OGT: variants seen among roughly 807,000 people sequenced by gnomAD.
The protein encoded by OGT is UDP-N-acetylglucosamine--peptide N-acetylglucosaminyltransferase 110 kDa subunit.
Under a neutral mutation model 75.8 loss-of-function variants are expected in OGT, and 3 were observed. The ratio of observed to expected loss-of-function variants is 0.04; its 90% CI spans 0.02 to 0.10. The LOEUF (loss-of-function observed/expected upper bound fraction) is 0.10. OGT is among the 10% of genes least tolerant of loss of function. The pLI, the probability that OGT is intolerant of heterozygous loss-of-function variation, is 1.00. For synonymous variants in OGT, 257 were observed against 289.7 expected (o/e 0.89, Z 1.15); for missense variants, 260 against 824.4 (o/e 0.32, Z 8.38).
intron 5 of OGT, among the ~76,000 whole-genome samples, chrX:71,553,954 G>A (rs1032317268): frequency 4.5e-5 from 5 of 111,786 alleles, no homozygotes; most frequent in African/African-American, 1.6e-4. Context: ...TTTCTAGGAG[G>A]TAAATTCTTA....
In OGT at chrX:71,575,027, G is replaced by C. The variant is rs1010417983; in HGVS notation, c.*1233G>C. The C allele has an allele frequency of 9.0e-6, 1 of 111,575 alleles. No homozygotes were observed. Among genetic ancestry groups the C allele is most frequent in the Non-Finnish European group, 1.9e-5 (1 of 53,138 alleles). The allele number at this position is 111,575 out of a possible 1,213,427, so 9.2% of individuals were successfully genotyped here. The stretch of plus-strand genomic sequence containing the variant: ...CTCAGTAGTAGCGAACTGCACTGCT[G>C]TTTGGTTTGGAGTACAAATTAGACT... On this transcript the variant is annotated 3_prime_UTR_variant, in exon 22 of 22. Transcript: ENST00000373719.
chrX:71,533,736 A>C (rs2040152148), intron 1 of OGT, among the ~76,000 whole-genome samples: 2 of 104,007 alleles, frequency 1.9e-5, no homozygotes, highest in African/African-American at 3.6e-5. Flanking sequence ...TTTCCCCTCC[A>C]TCTCCTCCTT....
chrX:71,539,543 T>C (rs1402112237), intron 3 of OGT, among the ~76,000 whole-genome samples: 2 of 111,837 alleles, frequency 1.8e-5, no homozygotes, highest in Non-Finnish European at 3.8e-5. Context: ...GTTAGCACTC[T>C]TGGAGGTAGC....
Position 71,557,652 on chromosome X carries a change from G to A in OGT, c.1582G>A (p.Gly528Ser). ...GFRKAIAERH[G>S]NLCLDKINVL... is the part of the protein sequence containing the mutation. Reference sequence around the variant, plus strand: ...CAGGAAGGCTATTGCTGAGAGGCACGGCAACCTGTGCTTAGATAAGGTGTG... The same window carrying A: ...CAGGAAGGCTATTGCTGAGAGGCACAGCAACCTGTGCTTAGATAAGGTGTG... The change falls in exon 12 of 22, where the codon GGC (glycine) becomes AGC (serine). Residue 528 changes from glycine to serine, a missense_variant. By Grantham distance (56) the Gly-to-Ser change is moderately conservative. Transcript: ENST00000373719. 8.3e-7 allele frequency: 1 copy of A among 1,199,719 alleles called. No individual in the cohort carries two copies. Among genetic ancestry groups the A allele is most frequent in the Non-Finnish European group, 1.1e-6 (1 of 889,652 alleles).
intron 2 of OGT, 181 bp downstream of exon 2, chrX:71,536,539 T>G: frequency 2.8e-6 from 1 of 360,754 alleles, no homozygotes; most frequent in Non-Finnish European, 4.7e-6. Context: ...TCCTTCCTTT[T>G]GTGGTGGTGG....
intron 21 of OGT, among the ~76,000 whole-genome samples, chrX:71,569,068 G>T (rs1373413872): frequency 4.5e-5 from 5 of 111,611 alleles, no homozygotes. Flanking sequence ...GGTGGCTCAC[G>T]CCTGTAATCC....
At chrX:71,566,084 C>G (rs757581970) in intron 19 of OGT, among the ~76,000 whole-genome samples, 1 of 112,067 alleles carries the variant, frequency 8.9e-6, no homozygotes, top group Non-Finnish European at 1.9e-5. Context: ...TTTAGGTAAT[C>G]TGGAGATAAT....
At chrX:71,571,153 C>G (rs762783076) in intron 21 of OGT, among the ~76,000 whole-genome samples, 19 of 110,679 alleles carry the variant, frequency 1.7e-4, no homozygotes, top group Non-Finnish European at 2.8e-4. Context: ...TAGTTTGGTT[C>G]ATACAATGCT....
chrX:71,562,074 T>C (rs1179166533), intron 15 of OGT, among the ~76,000 whole-genome samples, 174 bp downstream of exon 15: 1 of 112,100 alleles, frequency 8.9e-6, no homozygotes, highest in Non-Finnish European at 1.9e-5. Flanking sequence ...ACAGTGCTTA[T>C]AGGTACATGT....
At chrX:71,542,592 G>C (rs1383029730) in intron 3 of OGT, among the ~76,000 whole-genome samples, 1 of 111,802 alleles carries the variant, frequency 8.9e-6, no homozygotes, top group Non-Finnish European at 1.9e-5. Context: ...GCAACAGCTG[G>C]CTACTATGTA....
intron 5 of OGT, 71 bp downstream of exon 5, chrX:71,548,094 A>T: frequency 2.0e-6 from 2 of 1,020,210 alleles, no homozygotes; most frequent in Non-Finnish European, 2.7e-6. Context: ...AGAACTAAAT[A>T]ATAGGTCTTA....
At chrX:71,552,068 A>AG (rs1386046980) in intron 5 of OGT, among the ~76,000 whole-genome samples, 1 of 108,607 alleles carries the variant, frequency 9.2e-6, no homozygotes, top group Non-Finnish European at 1.9e-5. Context: ...GAAAAAAAAA[A>AG]CAGCTGGGTG....
At chrX:71,567,840 C>T (rs2040426267) in intron 20 of OGT, 88 bp downstream of exon 20, 1 of 1,080,568 alleles carries the variant, frequency 9.3e-7, no homozygotes, top group Admixed American at 2.8e-5. Context: ...ATTATATGTA[C>T]TAGGAGCAAC....
chrX:71,565,039 A>G (rs1432811826), intron 19 of OGT, among the ~76,000 whole-genome samples: 2 of 111,322 alleles, frequency 1.8e-5, no homozygotes, highest in African/African-American at 6.5e-5. Context: ...GGCACCTGTA[A>G]TCCCAGCTAC....
At chrX:71,546,180 C>G in intron 4 of OGT, 1 of 754,111 alleles carries the variant, frequency 1.3e-6, no homozygotes, top group Non-Finnish European at 1.6e-6. Flanking sequence ...CTGATTAACC[C>G]TCTCCCTTCT....
At chrX:71,547,808 T>TGC in intron 4 of OGT, 99 bp from the exon 5 acceptor site, 1 of 1,068,168 alleles carries the variant, frequency 9.4e-7, no homozygotes, top group Non-Finnish European at 1.2e-6. Context: ...ATCACCTTCT[T>TGC]CCCCCCCTCC....
At chrX:71,566,725 C>G (rs1306149197) in intron 19 of OGT, among the ~76,000 whole-genome samples, 1 of 111,933 alleles carries the variant, frequency 8.9e-6, no homozygotes, top group Non-Finnish European at 1.9e-5. Flanking sequence ...TATGACTGTT[C>G]CTGCATCTCA....
At chrX:71,552,904 T>C (rs2040316552) in intron 5 of OGT, among the ~76,000 whole-genome samples, 1 of 111,117 alleles carries the variant, frequency 9.0e-6, no homozygotes, top group Non-Finnish European at 1.9e-5. Context: ...AAACATGATA[T>C]ATGAATTGTT....
chrX:71,556,663 AT>A lies in OGT; in HGVS notation c.1066-16del. 1 of 1,100,091 alleles carries A rather than the reference AT, an allele frequency of 9.1e-7. No homozygotes were observed. The highest frequency in any genetic ancestry group is 1.2e-6 in the Non-Finnish European group (1 of 817,337). The allele number at this position is 1,100,091 out of a possible 1,213,427, so 90.7% of individuals were successfully genotyped here. ...AGCAATTTTTTTAACCTCAGTTCTG[AT>A]CTTGACTCTTTATAGGTCTTCCCAG... On this transcript the variant is annotated splice_polypyrimidine_tract_variant and intron_variant, in intron 8 of 21. Coordinates refer to ENST00000373719, the MANE Select transcript of OGT (RefSeq NM_181672.3).
Sources: gnomAD v4.1 joint callset for allele counts (sites outside exome capture counted in the v4.1 genomes callset) on GRCh38, gnomAD v4.1.1 for gene constraint, MANE v1.5 for transcripts, NCBI Gene and HGNC (gene_info 2026-07-23, HGNC 2026-07-21) for gene names.